The following RAPGEF6 variants were observed in gnomAD, a reference collection of about 807,000 sequenced individuals.
RAPGEF6 encodes Rap guanine nucleotide exchange factor 6.
Under a neutral mutation model 171.4 loss-of-function variants are expected in RAPGEF6, and 56 were observed. The ratio of observed to expected loss-of-function variants is 0.33; its 90% CI spans 0.26 to 0.41. The LOEUF (loss-of-function observed/expected upper bound fraction) is 0.41. Among genes scored for constraint, RAPGEF6 ranks in the 10% least tolerant of loss-of-function variants. The pLI, the probability that RAPGEF6 is intolerant of heterozygous loss-of-function variation, is 1.00. For synonymous variants in RAPGEF6, 692 were observed against 650.1 expected (o/e 1.06, Z -0.98); for missense variants, 1,674 against 1,921.4 (o/e 0.87, Z 2.41).
chr5:131,560,164 T>C (rs1761509496), intron 5 of RAPGEF6, among the ~76,000 whole-genome samples: 1 of 152,254 alleles, frequency 6.6e-6, no homozygotes, highest in Non-Finnish European at 1.5e-5. Context: ...TGTGACTTTT[T>C]ATTTTATATA....
At chr5:131,466,470 T>A (rs999379481) in intron 17 of RAPGEF6, among the ~76,000 whole-genome samples, 1 of 152,128 alleles carries the variant, frequency 6.6e-6, no homozygotes, top group Non-Finnish European at 1.5e-5. Context: ...CCCAACCAAA[T>A]CTCATCTTGA....
chr5:131,473,021 G>C (rs924696349), intron 16 of RAPGEF6: 4 of 335,014 alleles, frequency 1.2e-5, no homozygotes, highest in African/African-American at 8.4e-5. Flanking sequence ...TTTGGGTGAA[G>C]AAACTGAACC....
chr5:131,449,862 C>T (rs942216452), intron 21 of RAPGEF6, among the ~76,000 whole-genome samples: 1 of 152,142 alleles, frequency 6.6e-6, no homozygotes, highest in Non-Finnish European at 1.5e-5. Flanking sequence ...CTAGTTCTAT[C>T]ACTACTTTCA....
chr5:131,474,449 A>T (rs1754962053), intron 16 of RAPGEF6, among the ~76,000 whole-genome samples: 1 of 152,154 alleles, frequency 6.6e-6, no homozygotes, highest in Admixed American at 6.6e-5. Context: ...GTATCAAAAC[A>T]ATAAATAAAT....
intron 19 of RAPGEF6, among the ~76,000 whole-genome samples, chr5:131,460,784 C>T (rs1435308176): frequency 1.3e-5 from 2 of 152,156 alleles, no homozygotes; most frequent in African/African-American, 4.8e-5. Flanking sequence ...AATAAAGGCA[C>T]ATCCTATTAC....
chr5:131,442,571 C>T (rs770866969), intron 22 of RAPGEF6, 34 bp from the exon 23 acceptor site: 20 of 1,606,272 alleles, frequency 1.2e-5, no homozygotes, highest in African/African-American at 2.7e-5. Context: ...AGTAACTGCA[C>T]GTTTTTAGGC....
chr5:131,594,760 C>A (rs191392070), intron 3 of RAPGEF6, among the ~76,000 whole-genome samples: 1 of 152,274 alleles, frequency 6.6e-6, no homozygotes, highest in African/African-American at 2.4e-5. Context: ...ATGGAGTCAA[C>A]GGAGGTTATT....
At chr5:131,474,550 G>A (rs764392465) in intron 16 of RAPGEF6, among the ~76,000 whole-genome samples, 1 of 152,136 alleles carries the variant, frequency 6.6e-6, no homozygotes. Flanking sequence ...TCCGAGTAAA[G>A]GTACTAGAGA....
intron 4 of RAPGEF6, among the ~76,000 whole-genome samples, chr5:131,567,557 T>C (rs189142584): frequency 6.6e-6 from 1 of 152,210 alleles, no homozygotes; most frequent in African/African-American, 2.4e-5. Context: ...TCCTATTTCT[T>C]TCTGATATTG....
intron 15 of RAPGEF6, among the ~76,000 whole-genome samples, chr5:131,485,911 C>T (rs542943042): frequency 1.5e-4 from 23 of 152,320 alleles, no homozygotes; most frequent in African/African-American, 5.5e-4. Flanking sequence ...CTCATACTGA[C>T]TTTTAAGAGT....
intron 4 of RAPGEF6, 58 bp from the exon 5 acceptor site, chr5:131,562,105 T>A: frequency 8.6e-7 from 1 of 1,159,880 alleles, no homozygotes; most frequent in Non-Finnish European, 1.2e-6. Flanking sequence ...TATATCAATA[T>A]AGGAAAAGAA....
At chr5:131,479,895 T>C in intron 15 of RAPGEF6, 142 bp from the exon 16 acceptor site, 1 of 823,860 alleles carries the variant, frequency 1.2e-6, no homozygotes, top group Non-Finnish European at 1.9e-6. Flanking sequence ...TGTCAAGTAT[T>C]TACCCGTCCT....
chr5:131,619,128 G>C (rs1230865269), intron 1 of RAPGEF6, among the ~76,000 whole-genome samples: 1 of 152,064 alleles, frequency 6.6e-6, no homozygotes, highest in Non-Finnish European at 1.5e-5. Flanking sequence ...ACTAGACCCT[G>C]GATTGAAAAA....
chr5:131,444,966 A>C (rs1313389584), intron 22 of RAPGEF6, among the ~76,000 whole-genome samples: 3 of 152,258 alleles, frequency 2.0e-5, no homozygotes, highest in African/African-American at 7.2e-5. Flanking sequence ...TGTGGCAGCC[A>C]GAATGTAGAA....
At chr5:131,444,376 AT>A (rs1304367073) in intron 22 of RAPGEF6, among the ~76,000 whole-genome samples, 7 of 152,218 alleles carry the variant, frequency 4.6e-5, no homozygotes, top group Non-Finnish European at 8.8e-5. Context: ...AATCAATGAC[AT>A]CTTATTTTAA....
At chr5:131,528,767 G>T (rs1759160716) in intron 6 of RAPGEF6, among the ~76,000 whole-genome samples, 1 of 152,124 alleles carries the variant, frequency 6.6e-6, no homozygotes, top group Non-Finnish European at 1.5e-5. Context: ...CAGTGAATGA[G>T]GAGGAGTGTA....
chr5:131,597,283 AGTT>A (rs1354060592), intron 3 of RAPGEF6, among the ~76,000 whole-genome samples: 1 of 151,926 alleles, frequency 6.6e-6, no homozygotes, highest in African/African-American at 2.4e-5. Flanking sequence ...GTAAATTAGT[AGTT>A]ATTATGGAAA....
intron 1 of RAPGEF6, among the ~76,000 whole-genome samples, chr5:131,623,707 A>T (rs1373247731): frequency 4.0e-5 from 6 of 150,916 alleles, no homozygotes; most frequent in Non-Finnish European, 7.4e-5. Context: ...CTGGTTTCGA[A>T]CTCCTGACCT....
chr5:131,494,465 AG>A (rs1262935091), intron 13 of RAPGEF6, among the ~76,000 whole-genome samples: 2 of 152,262 alleles, frequency 1.3e-5, no homozygotes, highest in African/African-American at 4.8e-5. Flanking sequence ...TTTGATATTT[AG>A]GATATGCACT....
Sources: allele counts gnomAD v4.1 joint callset (sites outside exome capture counted in the v4.1 genomes callset), GRCh38; gene constraint gnomAD v4.1.1; transcripts MANE v1.5; gene names NCBI Gene and HGNC (gene_info 2026-07-23, HGNC 2026-07-21).